The following IRX4 variants were observed in gnomAD, a reference collection of about 807,000 sequenced individuals.
The protein encoded by IRX4 is iroquois-class homeodomain protein IRX-4.
Under a neutral mutation model 32.0 loss-of-function variants are expected in IRX4, and 22 were observed. The observed-to-expected ratio is 0.69, with a 90% CI of 0.49 to 0.98. The LOEUF (loss-of-function observed/expected upper bound fraction) is 0.98, where lower values mean the gene tolerates loss of function less well. Among genes scored for constraint, IRX4 ranks in the 50% least tolerant of loss-of-function variants. IRX4 has a pLI of 0.00. For synonymous variants in IRX4, 379 were observed against 351.7 expected, an observed-to-expected ratio of 1.08 and a Z score of -0.87; for missense variants, 840 against 744.2, an observed-to-expected ratio of 1.13 and a Z score of -1.50.
upstream of IRX4, among the ~76,000 whole-genome samples, chr5:1,885,007 G>C (rs980823149): frequency 6.6e-6 from 1 of 152,232 alleles, no homozygotes; most frequent in African/African-American, 2.4e-5. Context: ...GGGGAGTAGA[G>C]ACCCCCAGAG....
At chr5:1,881,751 T>C in intron 2 of IRX4, 57 bp downstream of exon 2, 2 of 1,551,138 alleles carry the variant, frequency 1.3e-6, no homozygotes, top group South Asian at 2.4e-5. Context: ...GGGGCAAAAG[T>C]GGGCTTGGCA....
chr5:1,879,609 G>C lies in IRX4; in HGVS notation c.631C>G (p.Arg211Gly). The C allele has an allele frequency of 6.2e-7, 1 of 1,614,016 alleles. No individual in the cohort carries two copies. Among genetic ancestry groups the C allele is most frequent in the Non-Finnish European group, 8.5e-7 (1 of 1,180,038 alleles). The change falls in exon 4 of 5, where the codon CGG becomes GGG. Residue 211 changes from arginine to glycine, a missense_variant. By Grantham distance (125) the Arg-to-Gly change is moderately radical. Coordinates refer to ENST00000231357, the MANE Select transcript of IRX4 (RefSeq NM_016358.3). ...CGCTTCTCGTCTGCGCACTTGTTCC[G>C]CGGCGGCCACGTCATCTTGTTCTCC... ...KKENKMTWPP[R>G]NKCADEKRPY... is the part of the protein sequence containing the mutation.
Position 1,882,674 on chromosome 5 carries a change from C to T in IRX4, c.-27G>A, listed in dbSNP as rs2232372. Reference sequence around the variant, plus strand: ...GCGGGCGCGGCCCGGGGCGGACGGGCGGGGCCTGCAGGGTTCTGCGCGCTG... The same window carrying T: ...GCGGGCGCGGCCCGGGGCGGACGGGTGGGGCCTGCAGGGTTCTGCGCGCTG... On this transcript the variant is annotated 5_prime_UTR_variant, in exon 1 of 5. Transcript: ENST00000231357. 0.05 allele frequency: 68,155 copies of T among 1,367,826 alleles called. 1,939 individuals are homozygous for T. The highest frequency in any genetic ancestry group is 0.076 in the Middle Eastern group (281 of 3,694). 84.7% of individuals were successfully genotyped at this position (1,367,826 alleles called of 1,614,324 possible).
chr5:1,880,884 C>A (rs1399215674), intron 2 of IRX4, 50 bp from the exon 3 acceptor site: 1 of 1,359,214 alleles, frequency 7.4e-7, no homozygotes, highest in Non-Finnish European at 1.1e-6. Context: ...GGCAACCCCA[C>A]TCCAGCCTCT....
rs1051816448 is a variant in IRX4, at chr5:1,882,606, G to C, written c.42C>G (p.Pro14=). Residue 14 remains proline, a synonymous_variant, in exon 1 of 5, where the codon CCC becomes CCG. Transcript: ENST00000231357. Reference sequence around the variant, plus strand: ...GGCGGGGCGGGGCTCCGCTTACCTGGGGAGCCGAGGAGTAGGGGTATCCAA... The same window carrying C: ...GGCGGGGCGGGGCTCCGCTTACCTGCGGAGCCGAGGAGTAGGGGTATCCAA... ...PQFGYPYSSA[P]QFLMATNSLS... is the part of the protein sequence containing the mutation. 7.8e-5 allele frequency: 114 copies of C among 1,470,496 alleles called. No homozygotes were observed. The highest frequency in any genetic ancestry group is 9.7e-5 in the Non-Finnish European group (108 of 1,116,212). 91.1% of individuals were successfully genotyped at this position (1,470,496 alleles called of 1,614,324 possible).
At position 1,878,991 on chromosome 5, in the gene IRX4, T is replaced by C. The variant is rs1038571601; in HGVS notation, c.737-199A>G. 3.6e-5 allele frequency among the ~76,000 whole-genome samples: 5 copies of C among 138,528 alleles called. No individual in the cohort carries two copies. In the Admixed American group the frequency reaches 3.7e-4, roughly 10 times the overall value. 90.9% of individuals were successfully genotyped at this position (138,528 alleles called of 152,430 possible). On this transcript the variant is annotated intron_variant, in intron 4 of 4. Transcript: ENST00000231357. Reference sequence around the variant, plus strand: ...GGGCCTCCAATGGGGGAGGGGGGTGTCTAATTTTTTTTTTTTTTGAGACGG... The same window carrying C: ...GGGCCTCCAATGGGGGAGGGGGGTGCCTAATTTTTTTTTTTTTTGAGACGG...
intron 3 of IRX4, 96 bp downstream of exon 3, chr5:1,880,629 C>T (rs1043149133): frequency 4.7e-6 from 4 of 848,006 alleles, no homozygotes; most frequent in Non-Finnish European, 7.9e-6. Flanking sequence ...TGCCTCCCGC[C>T]TTCCAGAAAG....
chr5:1,883,233 C>G (rs1296460674), upstream of IRX4, among the ~76,000 whole-genome samples: 1 of 152,234 alleles, frequency 6.6e-6, no homozygotes, highest in Non-Finnish European at 1.5e-5. Context: ...AATTAATGAG[C>G]AGCTGCTCCT....
chr5:1,877,828 A>G lies in IRX4; in HGVS notation c.*141T>C, dbSNP rs552545208. On this transcript the variant is annotated 3_prime_UTR_variant, in exon 5 of 5. Coordinates refer to ENST00000231357, the MANE Select transcript of IRX4 (RefSeq NM_016358.3). ...CGCCGGGCTTGTCCATGTTCCCAGG[A>G]GTCCAAGTTCAGAAGCCCCCTCTCC... is the stretch of plus-strand genomic sequence containing the variant. 3 of 763,634 alleles carry G rather than the reference A, an allele frequency of 3.9e-6. No homozygotes were observed. The highest frequency in any genetic ancestry group is 6.0e-6 in the Non-Finnish European group (3 of 495,876). The allele number at this position is 763,634 out of a possible 1,614,324, so 47.3% of individuals were successfully genotyped here. A position where few individuals can be genotyped will look rare whatever the true frequency, so the allele number is the denominator to read the frequency against.
rs1474933003 is a variant in IRX4, at chr5:1,882,758, G to A, written c.-111C>T. On this transcript the variant is annotated 5_prime_UTR_variant, in exon 1 of 5. Transcript: ENST00000231357. The stretch of plus-strand genomic sequence containing the variant: ...GCAGGCTTCTAGGCGCTGGGAGGGC[G>A]AAGCAGGAGAGCCGGTTAGTCCATC... 5 of 618,882 alleles carry A rather than the reference G, an allele frequency of 8.1e-6. No homozygotes were observed. The highest frequency in any genetic ancestry group is 4.1e-5 in the South Asian group (1 of 24,638). 38.3% of individuals were successfully genotyped at this position (618,882 alleles called of 1,614,324 possible).
At chr5:1,883,569 T>G (rs1426344453), upstream of IRX4, among the ~76,000 whole-genome samples, 1 of 152,330 alleles carries the variant, frequency 6.6e-6, no homozygotes, top group East Asian at 1.9e-4. Context: ...TTCGGGGCCT[T>G]AGTTGGAGCC....
rs528019826 is a variant in IRX4 at position 1,880,799 on chromosome 5, C to T, written c.333G>A (p.Ala111=). 40 of 1,613,696 alleles carry T rather than the reference C, an allele frequency of 2.5e-5. No homozygotes were observed. In the Admixed American group the frequency reaches 2.8e-4, roughly 11 times the overall value. Residue 111 remains alanine, a synonymous_variant, in exon 3 of 5, where the codon GCG becomes GCA. Transcript: ENST00000231357. ...CAGCGGCTGGTGCCAGGCCCCCATG[C>T]GCAGATCCCGAACCATCCTTGGAAT... ...SFDSKDGSGS[A]HGGLAPAAAA...
intron 1 of IRX4, 138 bp downstream of exon 1, chr5:1,882,465 G>T: frequency 1.3e-6 from 1 of 756,084 alleles, no homozygotes; most frequent in South Asian, 1.8e-5. Flanking sequence ...GGGGTTGGGC[G>T]TGAGGGGCGC....
rs575062591 is a variant in IRX4, at chr5:1,877,720, C to T, written c.*249G>A. On this transcript the variant is annotated 3_prime_UTR_variant, in exon 5 of 5. Coordinates refer to ENST00000231357, the MANE Select transcript of IRX4 (RefSeq NM_016358.3). The stretch of plus-strand genomic sequence containing the variant: ...TCAGGGTATCTGGCCTCTTCTGCTC[C>T]GAGAGCCTCTCCTTCCGCGTCCCAA... The T allele has an allele frequency of 1.2e-4, 63 of 521,956 alleles. No homozygotes were observed. The highest frequency in any genetic ancestry group is 9.2e-4 in the South Asian group (34 of 37,124). 32.3% of individuals were successfully genotyped at this position (521,956 alleles called of 1,614,324 possible).
chr5:1,880,881 C>A, intron 2 of IRX4, 47 bp from the exon 3 acceptor site: 1 of 1,395,904 alleles, frequency 7.2e-7, no homozygotes. Flanking sequence ...GGAGGCAACC[C>A]CACTCCAGCC....
chr5:1,882,071 G>C lies in IRX4; in HGVS notation c.46-12C>G. On this transcript the variant is annotated splice_polypyrimidine_tract_variant and intron_variant, in intron 1 of 4. Transcript: ENST00000231357. ...GTGGCCATCAAGAACTGCAGAGAGA[G>C]GCCGCGAGGACTGGCGGGAAGCCGG... 1 of 1,549,406 alleles carries C rather than the reference G, an allele frequency of 6.5e-7. No individual in the cohort carries two copies. The highest frequency in any genetic ancestry group is 1.9e-5 in the Admixed American group (1 of 51,366).
In IRX4 at chr5:1,882,633, C is replaced by T; in HGVS notation, c.15G>A (p.Gln5=). 7.0e-7 allele frequency: 1 copy of T among 1,423,248 alleles called. No individual in the cohort carries two copies. The highest frequency in any genetic ancestry group is 1.5e-5 in the South Asian group (1 of 65,674). 88.2% of individuals were successfully genotyped at this position (1,423,248 alleles called of 1,614,324 possible). A position where few individuals can be genotyped will look rare whatever the true frequency, so the allele number is the denominator to read the frequency against. Residue 5 remains glutamine, a synonymous_variant, in exon 1 of 5, where the codon CAG becomes CAA. Coordinates refer to ENST00000231357, the MANE Select transcript of IRX4 (RefSeq NM_016358.3). The part of the protein sequence containing the change: MSYP[Q]FGYPYSSAPQ... Reference sequence around the variant, plus strand: ...GAGCCGAGGAGTAGGGGTATCCAAACTGCGGGTAGGACATGGCGGGCGCGG... The same window carrying T: ...GAGCCGAGGAGTAGGGGTATCCAAATTGCGGGTAGGACATGGCGGGCGCGG...
upstream of IRX4, among the ~76,000 whole-genome samples, chr5:1,885,658 G>T (rs181925531): frequency 1.5e-5 from 2 of 130,622 alleles, no homozygotes; most frequent in Admixed American, 1.5e-4. Flanking sequence ...CCAGCCTGTG[G>T]ATTGGCGACC....
At chr5:1,883,637 C>T (rs575064613), upstream of IRX4, among the ~76,000 whole-genome samples, 47 of 152,356 alleles carry the variant, frequency 3.1e-4, no homozygotes, top group African/African-American at 1.1e-3. Flanking sequence ...GTGCGCCCAC[C>T]GGCTTTGCAC....
Sources: allele counts gnomAD v4.1 joint callset (sites outside exome capture counted in the v4.1 genomes callset), GRCh38; gene constraint gnomAD v4.1.1; transcripts MANE v1.5; gene names NCBI Gene and HGNC (gene_info 2026-07-23, HGNC 2026-07-21).